Variants in DLG2 observed in about 807,000 individuals in gnomAD.
The protein encoded by DLG2 is discs large MAGUK scaffold protein 2.
DLG2 carries 45 observed loss-of-function variants against 132.5 expected under a neutral mutation model. The observed-to-expected ratio is 0.34, with a 90% confidence interval of 0.27 to 0.44. The LOEUF (loss-of-function observed/expected upper bound fraction) is 0.44, where lower values mean the gene tolerates loss of function less well. DLG2 is among the 20% of genes least tolerant of loss of function. The pLI is 1.00. For missense variants in DLG2, 1,045 were observed against 1,196.9 expected (o/e 0.87, Z 1.87); for synonymous variants, 424 against 419.6 (o/e 1.01, Z -0.13).
intron 7 of DLG2, among the ~76,000 whole-genome samples, chr11:84,370,078 T>A (rs2098699843): frequency 6.6e-6 from 1 of 152,162 alleles, no homozygotes; most frequent in Non-Finnish European, 1.5e-5. Context: ...CTTCCTGAGA[T>A]GAGAATGTTA....
chr11:84,600,426 A>G (rs1309354182), intron 6 of DLG2, among the ~76,000 whole-genome samples: 1 of 152,154 alleles, frequency 6.6e-6, no homozygotes, highest in African/African-American at 2.4e-5. Flanking sequence ...AATCACTTAC[A>G]TGACAGATTC....
chr11:83,898,869 G>T lies in DLG2; in HGVS notation c.1497-24381C>A, dbSNP rs117850617. On this transcript the variant is annotated intron_variant, in intron 15 of 27. Transcript: ENST00000376104. ...CTTATCTACTTATTTTCATATCCCT[G>T]TATAATTCAGAAAAAATATGACTAT... Among the ~76,000 whole-genome samples, 475 of 152,098 alleles carry T rather than the reference G, an allele frequency of 3.1e-3. 11 individuals are homozygous for T. Among genetic ancestry groups the T allele is most frequent in the Non-Finnish European group, 3.6e-3 (243 of 67,986 alleles).
chr11:85,148,456 G>A (rs1397912291), intron 5 of DLG2, among the ~76,000 whole-genome samples: 1 of 152,152 alleles, frequency 6.6e-6, no homozygotes, highest in East Asian at 1.9e-4. Flanking sequence ...TGACTGGCAT[G>A]AGATGGTACC....
At chr11:84,013,886 A>T (rs1205823952) in intron 11 of DLG2, among the ~76,000 whole-genome samples, 3 of 151,512 alleles carry the variant, frequency 2.0e-5, no homozygotes, top group Admixed American at 2.0e-4. Context: ...AAAAAAAAAA[A>T]AAAAGCTCCC....
chr11:83,510,078 G>C (rs2094927078), intron 21 of DLG2, among the ~76,000 whole-genome samples: 1 of 152,160 alleles, frequency 6.6e-6, no homozygotes, highest in Admixed American at 6.5e-5. Flanking sequence ...TGTGAGCTTA[G>C]GAAAGTCACT....
rs189112781 is a variant in DLG2, at chr11:84,891,800, A to G, written c.357+219861T>C. Among the ~76,000 whole-genome samples, 78 of 152,286 alleles carry G rather than the reference A, an allele frequency of 5.1e-4. No homozygotes were observed. The East Asian group carries it at 6.2e-3, about 12-fold the overall frequency. ...CATGTCTAAGCATCTGCTTTGTGCC[A>G]GATATGTGAACAGCCCTGTGAATAC... is the stretch of plus-strand genomic sequence containing the variant. On this transcript the variant is annotated intron_variant, in intron 6 of 27. Coordinates refer to ENST00000376104, the MANE Select transcript of DLG2 (RefSeq NM_001142699.3).
At chr11:84,433,800 T>C (rs958523656) in intron 7 of DLG2, among the ~76,000 whole-genome samples, 12 of 152,104 alleles carry the variant, frequency 7.9e-5, no homozygotes, top group Admixed American at 2.0e-4. Flanking sequence ...TAAAATGATA[T>C]GACAATTAAA....
rs147351079 is a variant in DLG2, at chr11:83,459,486, C to T, written c.*332G>A. 617 of 184,710 alleles carry T rather than the reference C, an allele frequency of 3.3e-3. 6 individuals carry two copies. Among genetic ancestry groups the T allele is most frequent in the African/African-American group, 0.014 (585 of 42,904 alleles). The allele number at this position is 184,710 out of a possible 1,614,324, so 11.4% of individuals were successfully genotyped here. ...TCTTTAAAGCAAAAGACACAGAGAG[C>T]TCTGCAGCTAAATCAGCTCTGGACA... On this transcript the variant is annotated 3_prime_UTR_variant, in exon 28 of 28. Transcript: ENST00000376104.
intron 6 of DLG2, among the ~76,000 whole-genome samples, chr11:85,025,722 A>G (rs2060460237): frequency 6.6e-6 from 1 of 152,196 alleles, no homozygotes; most frequent in Non-Finnish European, 1.5e-5. Context: ...GGCTAATAAG[A>G]AGGTTTTGTC....
Position 83,861,289 on chromosome 11 carries a change from A to G in DLG2, c.1565+13131T>C, listed in dbSNP as rs139226591. Among the ~76,000 whole-genome samples the G allele has an allele frequency of 7.3e-3, 1,118 of 152,324 alleles. 16 individuals are homozygous for G. Among genetic ancestry groups the G allele is most frequent in the African/African-American group, 0.02 (829 of 41,586 alleles). ...TTTTACATTGTTGGTGGGAATGTAA[A>G]TTAGTACAATCACTATGGAGAACAG... is the stretch of plus-strand genomic sequence containing the variant. On this transcript the variant is annotated intron_variant, in intron 16 of 27. Coordinates refer to ENST00000376104, the MANE Select transcript of DLG2 (RefSeq NM_001142699.3).
At chr11:85,497,579 A>G (rs548486065) in intron 3 of DLG2, among the ~76,000 whole-genome samples, 1 of 152,268 alleles carries the variant, frequency 6.6e-6, no homozygotes, top group African/African-American at 2.4e-5. Flanking sequence ...TACAGAGAAC[A>G]CCACAAAGAT....
At chr11:84,191,285 T>C (rs67595444) in intron 8 of DLG2, among the ~76,000 whole-genome samples, 7,610 of 152,314 alleles carry the variant, frequency 0.05, 230 homozygotes, top group Middle Eastern at 0.061. Flanking sequence ...TTATTGTTCA[T>C]GTGACTTTGC....
intron 3 of DLG2, among the ~76,000 whole-genome samples, chr11:85,399,118 C>T (rs1376050271): frequency 1.3e-5 from 2 of 152,058 alleles, no homozygotes; most frequent in Non-Finnish European, 2.9e-5. Context: ...AAATCACAAG[C>T]ATTCTTATAC....
At chr11:85,056,853 A>C (rs1219724387) in intron 6 of DLG2, among the ~76,000 whole-genome samples, 1 of 152,016 alleles carries the variant, frequency 6.6e-6, no homozygotes, top group African/African-American at 2.4e-5. Flanking sequence ...ATTCACTGAA[A>C]ATACAATTCA....
chr11:83,733,802 G>A (rs999790426), intron 18 of DLG2, among the ~76,000 whole-genome samples: 4 of 152,136 alleles, frequency 2.6e-5, no homozygotes, highest in African/African-American at 9.7e-5. Context: ...GAGGATACAC[G>A]TGCAGTTTTG....
At chr11:85,284,896 T>A (rs1327323150) in intron 4 of DLG2, among the ~76,000 whole-genome samples, 2 of 151,854 alleles carry the variant, frequency 1.3e-5, no homozygotes, top group Non-Finnish European at 2.9e-5. Context: ...CACTTCCCTA[T>A]TCTACCATCC....
chr11:85,189,980 A>G (rs1209991355), intron 4 of DLG2, among the ~76,000 whole-genome samples: 1 of 152,168 alleles, frequency 6.6e-6, no homozygotes, highest in African/African-American at 2.4e-5. Context: ...TATAATGTAT[A>G]AATTATACTT....
intron 14 of DLG2, among the ~76,000 whole-genome samples, chr11:83,956,860 A>C (rs754708559): frequency 2.0e-5 from 3 of 152,184 alleles, no homozygotes; most frequent in Admixed American, 6.5e-5. Flanking sequence ...AGTTTATATA[A>C]AACACAATTA....
intron 7 of DLG2, among the ~76,000 whole-genome samples, chr11:84,386,537 T>C (rs200246413): frequency 2.0e-5 from 3 of 152,258 alleles, no homozygotes; most frequent in East Asian, 3.9e-4. Context: ...TTAAGATTGT[T>C]GATATTTATA....
Sources: allele counts gnomAD v4.1 joint callset (sites outside exome capture counted in the v4.1 genomes callset), GRCh38; gene constraint gnomAD v4.1.1; transcripts MANE v1.5; gene names NCBI Gene and HGNC (gene_info 2026-07-23, HGNC 2026-07-21).